Variants in PIEZO2 observed in about 807,000 individuals in gnomAD.
PIEZO2 encodes piezo type mechanosensitive ion channel component 2, also known as piezo-type mechanosensitive ion channel component 2.
Under a neutral mutation model 337.3 loss-of-function variants are expected in PIEZO2, and 172 were observed. That is an observed-to-expected ratio of 0.51 (90% CI 0.45 to 0.58). The LOEUF (loss-of-function observed/expected upper bound fraction) is 0.58. PIEZO2 is among the 20% of genes least tolerant of loss of function. PIEZO2 has a pLI of 0.00. For missense variants in PIEZO2, 3,028 were observed against 3,391.3 expected, an observed-to-expected ratio of 0.89 and a Z score of 2.66; for synonymous variants, 1,251 against 1,228.5, an observed-to-expected ratio of 1.02 and a Z score of -0.38.
At chr18:10,736,554 A>T (rs771804871) in intron 34 of PIEZO2, 50 bp downstream of exon 34, 2 of 1,534,846 alleles carry the variant, frequency 1.3e-6, no homozygotes, top group Non-Finnish European at 1.7e-6. Flanking sequence ...AGGTCCGTCA[A>T]TAAGAAAAGC....
At chr18:10,809,571 C>CAA in intron 7 of PIEZO2, among the ~76,000 whole-genome samples, 1 of 88,764 alleles carries the variant, frequency 1.1e-5, no homozygotes, top group East Asian at 4.2e-4. Flanking sequence ...CCTGGCATCT[C>CAA]TCTCTCTCTT....
rs535545779 is a variant in PIEZO2, at chr18:10,677,719, C to G, written c.8081+28G>C. 1.2e-6 allele frequency: 2 copies of G among 1,602,450 alleles called. No homozygotes were observed. The highest frequency in any genetic ancestry group is 1.7e-6 in the Non-Finnish European group (2 of 1,176,922). ...TACCAGCTGCATATACCTAACAAAG[C>G]TCTATTAGTAGGAAAAAATACACTT... On this transcript the variant is annotated intron_variant, in intron 53 of 55. Coordinates refer to ENST00000674853, the MANE Select transcript of PIEZO2 (RefSeq NM_001378183.1). This position sits in a 1 kb window ranked among gnomAD's most constrained non-coding sequence, Gnocchi z 4.1.
chr18:10,761,862 T>A (rs1045254491), intron 23 of PIEZO2, among the ~76,000 whole-genome samples: 1 of 152,214 alleles, frequency 6.6e-6, no homozygotes, highest in Non-Finnish European at 1.5e-5. Context: ...GTAACATGAT[T>A]AGGACTGCTC....
chr18:10,722,149 C>CA (rs57201451), intron 36 of PIEZO2, among the ~76,000 whole-genome samples: 2,398 of 125,386 alleles, frequency 0.019, 36 homozygotes, highest in Middle Eastern at 0.035. Context: ...GACTCCATCT[C>CA]AAAAAAAAAA....
rs1388342292 is a variant in PIEZO2, at chr18:10,725,237, T to C, written c.5029+6170A>G. On this transcript the variant is annotated intron_variant, in intron 36 of 55. Coordinates refer to ENST00000674853, the MANE Select transcript of PIEZO2 (RefSeq NM_001378183.1). ...GAGAAGTTTGGAACCTACGAACACT[T>C]TGAGGCTGCCACCGGCAGGCAGCTG... 65 of 1,570,492 alleles carry C rather than the reference T, an allele frequency of 4.1e-5. No homozygotes were observed. In the East Asian group the frequency reaches 1.5e-3, roughly 35 times the overall value.
chr18:10,913,393 G>A (rs953983912), intron 3 of PIEZO2, among the ~76,000 whole-genome samples: 10 of 152,294 alleles, frequency 6.6e-5, no homozygotes, highest in East Asian at 5.8e-4. Flanking sequence ...GAGGGTCCCC[G>A]GAGGGAAGGA....
rs2036555797 is a variant in PIEZO2, at chr18:10,726,621, GCGCT to G, written c.5029+4782_5029+4785del. On this transcript the variant is annotated intron_variant, in intron 36 of 55. Transcript: ENST00000674853. The surrounding 1 kb of genome is among the most constrained non-coding windows in gnomAD (Gnocchi z 5.9). ...CGCGCTACGTGCGGGACGCCGACGT[GCGCT>G]GGGAGTACTGCGCGCGCGCCAAGCG... 2.8e-6 allele frequency: 2 copies of G among 715,510 alleles called. No individual in the cohort carries two copies. Among genetic ancestry groups the G allele is most frequent in the East Asian group, 2.1e-4 (1 of 4,762 alleles). 44.3% of individuals were successfully genotyped at this position (715,510 alleles called of 1,614,324 possible). A position where few individuals can be genotyped will look rare whatever the true frequency, so the allele number is the denominator to read the frequency against.
rs1463630818 is a variant in PIEZO2 at position 10,853,152 on chromosome 18, G to C, written c.917+2201C>G. Among the ~76,000 whole-genome samples, 1 of 152,120 alleles carries C rather than the reference G, an allele frequency of 6.6e-6. No individual in the cohort carries two copies. Among genetic ancestry groups the C allele is most frequent in the Non-Finnish European group, 1.5e-5 (1 of 68,020 alleles). On this transcript the variant is annotated intron_variant, in intron 7 of 55. Coordinates refer to ENST00000674853, the MANE Select transcript of PIEZO2 (RefSeq NM_001378183.1). The surrounding 1 kb of genome is among the most constrained non-coding windows in gnomAD (Gnocchi z 4.2). ...CGAAGAGCACTTCAAGTGAGCATGCGCACAACTCCAGTAAACAGACTACAT... is the reference window on the plus strand; with the variant it reads ...CGAAGAGCACTTCAAGTGAGCATGCCCACAACTCCAGTAAACAGACTACAT...
chr18:10,817,116 T>C (rs942657006), intron 7 of PIEZO2, among the ~76,000 whole-genome samples: 19 of 152,218 alleles, frequency 1.2e-4, no homozygotes, highest in African/African-American at 4.3e-4. Flanking sequence ...ACATTAAAGT[T>C]TGGGAAGCAT....
rs192035498 is a variant in PIEZO2, at chr18:10,910,181, T to C, written c.329+1005A>G. On this transcript the variant is annotated intron_variant, in intron 4 of 55. Coordinates refer to ENST00000674853, the MANE Select transcript of PIEZO2 (RefSeq NM_001378183.1). ...AAAATGAAATTAAAATGACTTTTTT[T>C]CTTTCAATAGCTATATTTCCACTGA... 7.2e-5 allele frequency among the ~76,000 whole-genome samples: 11 copies of C among 152,382 alleles called. No individual in the cohort carries two copies. In the East Asian group the frequency reaches 2.1e-3, roughly 29 times the overall value.
rs2034319281 is a variant in PIEZO2 at position 10,973,410 on chromosome 18, CA to C, written c.286+6124del. On this transcript the variant is annotated intron_variant, in intron 3 of 55. Transcript: ENST00000674853. This position sits in a 1 kb window ranked among gnomAD's most constrained non-coding sequence, Gnocchi z 4.9. ...GCTCACTATGGAGAGCAGCAGTCTC[CA>C]TCTAGGTCGGCATATGTCTCCGTGA... 1.3e-5 allele frequency among the ~76,000 whole-genome samples: 2 copies of C among 152,210 alleles called. No individual in the cohort carries two copies. The highest frequency in any genetic ancestry group is 4.1e-4 in the South Asian group (2 of 4,832).
At chr18:11,091,350 C>T (rs2039082823) in intron 1 of PIEZO2, among the ~76,000 whole-genome samples, 1 of 145,712 alleles carries the variant, frequency 6.9e-6, no homozygotes, top group Non-Finnish European at 1.5e-5. Context: ...TGACAGAGCA[C>T]TCCAGCCTGG....
chr18:10,699,228 C>T, intron 43 of PIEZO2, 51 bp from the exon 44 acceptor site: 3 of 1,530,104 alleles, frequency 2.0e-6, no homozygotes, highest in Non-Finnish European at 2.6e-6. Context: ...AGGTGGAACC[C>T]TTGGTATTCT....
intron 3 of PIEZO2, among the ~76,000 whole-genome samples, chr18:10,919,228 G>A (rs9964204): frequency 0.29 from 44,685 of 151,860 alleles, 6,775 homozygotes; most frequent in Middle Eastern, 0.33. Context: ...TCTATTAGAT[G>A]TTTGTCTTTA....
At chr18:10,802,367 A>G (rs1171420608) in intron 9 of PIEZO2, among the ~76,000 whole-genome samples, 1 of 152,130 alleles carries the variant, frequency 6.6e-6, no homozygotes, top group Non-Finnish European at 1.5e-5. Flanking sequence ...CTATCTATCA[A>G]TTATCTACCA....
rs1251885459 is a variant in PIEZO2, at chr18:11,078,974, A to C, written c.65-12752T>G. Reference sequence around the variant, plus strand: ...TTTTCAGTCTACACCACAGCGTCATACCTTAGAAAGTTACGGTAGTTAAAA... The same window carrying C: ...TTTTCAGTCTACACCACAGCGTCATCCCTTAGAAAGTTACGGTAGTTAAAA... On this transcript the variant is annotated intron_variant, in intron 1 of 55. Coordinates refer to ENST00000674853, the MANE Select transcript of PIEZO2 (RefSeq NM_001378183.1). The surrounding 1 kb of genome is among the most constrained non-coding windows in gnomAD (Gnocchi z 5.3). Among the ~76,000 whole-genome samples, 1 of 152,190 alleles carries C rather than the reference A, an allele frequency of 6.6e-6. No individual in the cohort carries two copies. The highest frequency in any genetic ancestry group is 1.5e-5 in the Non-Finnish European group (1 of 68,042).
intron 22 of PIEZO2, 137 bp downstream of exon 22, chr18:10,762,785 C>A: frequency 1.5e-6 from 2 of 1,324,942 alleles, no homozygotes; most frequent in Admixed American, 4.9e-5. Flanking sequence ...TAACACAGGC[C>A]CAGAGCACGA....
rs1359687278 is a variant in PIEZO2 at position 11,109,998 on chromosome 18, G to C, written c.64+38527C>G. On this transcript the variant is annotated intron_variant, in intron 1 of 55. Coordinates refer to ENST00000674853, the MANE Select transcript of PIEZO2 (RefSeq NM_001378183.1). The surrounding 1 kb of genome is among the most constrained non-coding windows in gnomAD (Gnocchi z 5.1). Reference sequence around the variant, plus strand: ...AGGTAACATTTGACCATGTGAGTCTGAAAACATGTTTCTTCCATTTCCATC... The same window carrying C: ...AGGTAACATTTGACCATGTGAGTCTCAAAACATGTTTCTTCCATTTCCATC... 6.6e-6 allele frequency among the ~76,000 whole-genome samples: 1 copy of C among 152,208 alleles called. No homozygotes were observed. Among genetic ancestry groups the C allele is most frequent in the Non-Finnish European group, 1.5e-5 (1 of 68,042 alleles).
intron 52 of PIEZO2, among the ~76,000 whole-genome samples, chr18:10,678,410 A>G (rs1430275965): frequency 1.3e-5 from 2 of 152,212 alleles, no homozygotes; most frequent in Non-Finnish European, 2.9e-5. Context: ...GGATTGAAGG[A>G]GTTCTTTACA....
Sources: gnomAD v4.1 joint callset for allele counts (sites outside exome capture counted in the v4.1 genomes callset) on GRCh38, gnomAD v4.1.1 for gene constraint, Gnocchi (gnomAD v3.1) non-coding constraint, MANE v1.5 for transcripts, NCBI Gene and HGNC (gene_info 2026-07-23, HGNC 2026-07-21) for gene names.